The following MLLT3 variants were observed in gnomAD, a reference collection of about 807,000 sequenced individuals.
The protein encoded by MLLT3 is protein AF-9.
MLLT3 carries 4 observed loss-of-function variants against 53.2 expected under a neutral mutation model. The ratio of observed to expected loss-of-function variants is 0.08; its 90% CI spans 0.04 to 0.17. The LOEUF is 0.17. MLLT3 is among the 10% of genes least tolerant of loss of function. The pLI is 1.00. For synonymous variants in MLLT3, 283 were observed against 230.6 expected (o/e 1.23, Z -2.06); for missense variants, 569 against 684.0 (o/e 0.83, Z 1.87).
chr9:20,414,312 ACTGCTGCTGCTGCTG>A lies in MLLT3; in HGVS notation c.519_533del (p.Ser186_Ser190del). 1.3e-6 allele frequency: 2 copies of A among 1,564,900 alleles called. No homozygotes were observed. Among genetic ancestry groups the A allele is most frequent in the Non-Finnish European group, 1.7e-6 (2 of 1,145,600 alleles). On this transcript the variant is annotated inframe_deletion, in exon 5 of 11. Coordinates refer to ENST00000380338, the MANE Select transcript of MLLT3 (RefSeq NM_004529.4). ...TGCTGCTGCTGCTACTGCTGCTGCTACTGCTGCTGCTGCTGCTGCTGCTGCTGCTGCTACTGCTGC... is the reference window on the plus strand; with the variant it reads ...TGCTGCTGCTGCTACTGCTGCTGCTACTGCTGCTGCTGCTGCTACTGCTGC...
Position 20,389,600 on chromosome 9 carries a change from C to T in MLLT3, c.1126-23856G>A, listed in dbSNP as rs1209727914. ...GACCAGCCTGGGTAACACAGTAGAA[C>T]CCCATCTCTACAAAAATTAAAACAA... On this transcript the variant is annotated intron_variant, in intron 5 of 10. Coordinates refer to ENST00000380338, the MANE Select transcript of MLLT3 (RefSeq NM_004529.4). Among the ~76,000 whole-genome samples the T allele has an allele frequency of 3.9e-5, 6 of 152,042 alleles. No homozygotes were observed. The East Asian group carries it at 7.7e-4, about 20-fold the overall frequency.
chr9:20,580,319 G>T (rs1327271854), intron 2 of MLLT3, among the ~76,000 whole-genome samples: 1 of 151,938 alleles, frequency 6.6e-6, no homozygotes, highest in Non-Finnish European at 1.5e-5. Context: ...ACAGTGATAA[G>T]AGTCCCATCT....
At chr9:20,444,371 T>C (rs764073205) in intron 4 of MLLT3, among the ~76,000 whole-genome samples, 2 of 152,136 alleles carry the variant, frequency 1.3e-5, no homozygotes, top group Non-Finnish European at 2.9e-5. Flanking sequence ...TTAAAAGACA[T>C]ATTATGTTTG....
Position 20,554,933 on chromosome 9 carries a change from T to C in MLLT3, c.193+65721A>G, listed in dbSNP as rs146211277. On this transcript the variant is annotated intron_variant, in intron 2 of 10. Transcript: ENST00000380338. ...AAACGGAAGTGGCTAAATTAATAACTGCCTAATGAACGGTGGAAAGAGAAT... is the reference window on the plus strand; with the variant it reads ...AAACGGAAGTGGCTAAATTAATAACCGCCTAATGAACGGTGGAAAGAGAAT... 5.8e-3 allele frequency among the ~76,000 whole-genome samples: 883 copies of C among 152,348 alleles called. 1 individual carries two copies. The highest frequency in any genetic ancestry group is 0.012 in the Admixed American group (177 of 15,308).
chr9:20,496,894 A>G (rs887367205), intron 2 of MLLT3, among the ~76,000 whole-genome samples: 10 of 152,194 alleles, frequency 6.6e-5, no homozygotes, highest in Admixed American at 1.3e-4. Context: ...CTTCTCAGAG[A>G]CACTTCCCCA....
At chr9:20,603,812 T>C (rs56982427) in intron 2 of MLLT3, among the ~76,000 whole-genome samples, 4,475 of 152,182 alleles carry the variant, frequency 0.029, 229 homozygotes, top group African/African-American at 0.1. Flanking sequence ...CCAGTTATTT[T>C]AGATTAATGA....
chr9:20,532,631 T>C (rs1207853549), intron 2 of MLLT3: 1 of 264,794 alleles, frequency 3.8e-6, no homozygotes, highest in Admixed American at 4.4e-5. Flanking sequence ...GCCAAGAAAG[T>C]GGTAAATCTC....
chr9:20,412,249 GA>G (rs1454984142), intron 5 of MLLT3, among the ~76,000 whole-genome samples: 2 of 152,074 alleles, frequency 1.3e-5, no homozygotes, highest in Non-Finnish European at 2.9e-5. Flanking sequence ...TCTGCATTAA[GA>G]ATAAGCTTCA....
chr9:20,458,836 C>T (rs547006279), intron 2 of MLLT3, among the ~76,000 whole-genome samples: 9 of 152,270 alleles, frequency 5.9e-5, no homozygotes, highest in African/African-American at 2.2e-4. Context: ...CAGCACAGGG[C>T]CTGGCGCATA....
intron 4 of MLLT3, among the ~76,000 whole-genome samples, chr9:20,440,967 T>C (rs2118834391): frequency 6.6e-6 from 1 of 152,262 alleles, no homozygotes; most frequent in South Asian, 2.1e-4. Flanking sequence ...TCAGCTAAAC[T>C]GCTACTTCGG....
At chr9:20,564,457 C>G (rs151270502) in intron 2 of MLLT3, among the ~76,000 whole-genome samples, 1 of 152,124 alleles carries the variant, frequency 6.6e-6, no homozygotes, top group Non-Finnish European at 1.5e-5. Context: ...GATGAGCAAG[C>G]CTCGAATTTG....
intron 2 of MLLT3, among the ~76,000 whole-genome samples, chr9:20,588,153 G>T (rs1283623143): frequency 1.3e-5 from 2 of 152,066 alleles, no homozygotes; most frequent in East Asian, 3.9e-4. Flanking sequence ...GATAGTTGTA[G>T]ATATGCGGCG....
At chr9:20,432,384 C>T (rs879914001) in intron 4 of MLLT3, among the ~76,000 whole-genome samples, 4 of 151,638 alleles carry the variant, frequency 2.6e-5, no homozygotes, top group African/African-American at 4.9e-5. Context: ...TATATTCTTA[C>T]CTTTTTTTAC....
In MLLT3 at chr9:20,619,475, A is replaced by C. The variant is rs376198595; in HGVS notation, c.193+1179T>G. 4.6e-5 allele frequency among the ~76,000 whole-genome samples: 7 copies of C among 152,350 alleles called. No individual in the cohort carries two copies. In the East Asian group the frequency reaches 1.3e-3, roughly 29 times the overall value. Reference sequence around the variant, plus strand: ...CTTTATTCAGCCCCCTGAATGTTCAATAATTTCCACACAGCTCTAAGCAGA... The same window carrying C: ...CTTTATTCAGCCCCCTGAATGTTCACTAATTTCCACACAGCTCTAAGCAGA... On this transcript the variant is annotated intron_variant, in intron 2 of 10. Transcript: ENST00000380338.
chr9:20,473,417 T>G (rs1223711255), intron 2 of MLLT3, among the ~76,000 whole-genome samples: 2 of 152,114 alleles, frequency 1.3e-5, no homozygotes, highest in Admixed American at 1.3e-4. Flanking sequence ...AATGTAATTT[T>G]AAAAACAAAG....
At chr9:20,617,266 C>G (rs1282292654) in intron 2 of MLLT3, among the ~76,000 whole-genome samples, 1 of 152,124 alleles carries the variant, frequency 6.6e-6, no homozygotes, top group South Asian at 2.1e-4. Flanking sequence ...AAAACTTACC[C>G]AAATTATTTC....
intron 2 of MLLT3, among the ~76,000 whole-genome samples, chr9:20,578,411 C>T (rs1420211665): frequency 6.6e-6 from 1 of 152,040 alleles, no homozygotes. Flanking sequence ...AACGTGGTGG[C>T]TCACACTTGT....
chr9:20,556,545 T>C (rs1300260955), intron 2 of MLLT3, among the ~76,000 whole-genome samples: 1 of 152,100 alleles, frequency 6.6e-6, no homozygotes, highest in Non-Finnish European at 1.5e-5. Context: ...TAGCCAGCCG[T>C]GGTGGCGGGC....
At chr9:20,516,217 T>C (rs1401284656) in intron 2 of MLLT3, among the ~76,000 whole-genome samples, 1 of 152,172 alleles carries the variant, frequency 6.6e-6, no homozygotes, top group Non-Finnish European at 1.5e-5. Context: ...TCACATAAGC[T>C]TGGAAACAAA....
Sources: allele counts gnomAD v4.1 joint callset (sites outside exome capture counted in the v4.1 genomes callset), GRCh38; gene constraint gnomAD v4.1.1; transcripts MANE v1.5; gene names NCBI Gene and HGNC (gene_info 2026-07-23, HGNC 2026-07-21).